GRM7: variants seen among roughly 807,000 people sequenced by gnomAD.
The protein encoded by GRM7 is glutamate metabotropic receptor 7.
In GRM7, 35 loss-of-function variants were observed where a neutral mutation model predicts 84.5. The observed-to-expected ratio is 0.41, with a 90% CI of 0.32 to 0.55. The LOEUF is 0.55. Among genes scored for constraint, GRM7 ranks in the 20% least tolerant of loss-of-function variants. The pLI is 0.19. For missense variants in GRM7, 1,003 were observed against 1,194.6 expected, an observed-to-expected ratio of 0.84 and a Z score of 2.36; for synonymous variants, 487 against 455.1, an observed-to-expected ratio of 1.07 and a Z score of -0.89.
rs567240745 is a variant in GRM7, at chr3:6,897,326, G to A, written c.519+35419G>A. The stretch of plus-strand genomic sequence containing the variant: ...CAAATTCTTGGGCCTTGCCCTAGAC[G>A]GAAAGAGTCAGGGACTCTGGGATTG... On this transcript the variant is annotated intron_variant, in intron 1 of 9. Transcript: ENST00000357716. Among the ~76,000 whole-genome samples the A allele has an allele frequency of 1.9e-3, 289 of 152,280 alleles. 2 individuals carry two copies. The highest frequency in any genetic ancestry group is 6.4e-3 in the African/African-American group (268 of 41,560).
chr3:7,617,001 T>C (rs1243357470), intron 8 of GRM7, among the ~76,000 whole-genome samples: 6 of 151,966 alleles, frequency 3.9e-5, no homozygotes, highest in Non-Finnish European at 8.8e-5. Context: ...GAAAAAACAG[T>C]GTTAGTGACT....
intron 2 of GRM7, among the ~76,000 whole-genome samples, chr3:7,204,751 G>T (rs1223822217): frequency 6.6e-6 from 1 of 152,168 alleles, no homozygotes; most frequent in African/African-American, 2.4e-5. Flanking sequence ...TAACAGAAGT[G>T]GGAAAATACC....
At chr3:7,572,871 T>C (rs1694766886) in intron 7 of GRM7, among the ~76,000 whole-genome samples, 1 of 58,924 alleles carries the variant, frequency 1.7e-5, no homozygotes, top group African/African-American at 5.9e-5. Flanking sequence ...TATATATATA[T>C]ATATATATAA....
In GRM7 at chr3:7,593,743, G is replaced by A. The variant is rs143218473; in HGVS notation, c.2451+14386G>A. Among the ~76,000 whole-genome samples, 1,079 of 152,240 alleles carry A rather than the reference G, an allele frequency of 7.1e-3. 10 individuals are homozygous for A. Among genetic ancestry groups the A allele is most frequent in the African/African-American group, 0.025 (1,026 of 41,548 alleles). On this transcript the variant is annotated intron_variant, in intron 8 of 9. Coordinates refer to ENST00000357716, the MANE Select transcript of GRM7 (RefSeq NM_000844.4). ...GGTAGCCAGTGGCTATTTATGTAGGGCTTTGGAATTCTGAGCAAGAAGGGA... is the reference window on the plus strand; with the variant it reads ...GGTAGCCAGTGGCTATTTATGTAGGACTTTGGAATTCTGAGCAAGAAGGGA...
chr3:6,936,819 C>T (rs574140874), intron 1 of GRM7, among the ~76,000 whole-genome samples: 39 of 152,098 alleles, frequency 2.6e-4, no homozygotes, highest in Non-Finnish European at 4.4e-4. Context: ...TATTATTAGA[C>T]ATATAAAATG....
At chr3:7,081,757 C>T (rs1203841193) in intron 1 of GRM7, among the ~76,000 whole-genome samples, 1 of 152,056 alleles carries the variant, frequency 6.6e-6, no homozygotes, top group Non-Finnish European at 1.5e-5. Flanking sequence ...AGTGAACACA[C>T]AAATGATAAA....
intron 4 of GRM7, among the ~76,000 whole-genome samples, chr3:7,328,375 C>G (rs558317668): frequency 5.3e-5 from 8 of 152,140 alleles, no homozygotes; most frequent in Admixed American, 2.0e-4. Flanking sequence ...CATTTCCAAC[C>G]GATTCTTCAC....
intron 2 of GRM7, among the ~76,000 whole-genome samples, chr3:7,201,948 G>T (rs1430597270): frequency 6.6e-6 from 1 of 152,088 alleles, no homozygotes; most frequent in Non-Finnish European, 1.5e-5. Context: ...GACAGGATGT[G>T]GCCATGACTG....
intron 1 of GRM7, among the ~76,000 whole-genome samples, chr3:7,030,879 G>T (rs1043545476): frequency 1.3e-5 from 2 of 152,104 alleles, no homozygotes; most frequent in Non-Finnish European, 2.9e-5. Context: ...AAATGATTCA[G>T]AATTAAGTTT....
chr3:7,686,408 C>A, intron 9 of GRM7: 1 of 1,561,034 alleles, frequency 6.4e-7, no homozygotes, highest in Non-Finnish European at 8.8e-7. Flanking sequence ...ACTTGGTACA[C>A]TATCCCACCA....
intron 7 of GRM7, among the ~76,000 whole-genome samples, chr3:7,465,040 A>C (rs17047386): frequency 2.0e-5 from 3 of 152,020 alleles, no homozygotes; most frequent in African/African-American, 7.3e-5. Flanking sequence ...TCCAAATAGC[A>C]CTCAGTTTAA....
chr3:7,345,568 G>A (rs1692853739), intron 4 of GRM7, among the ~76,000 whole-genome samples: 1 of 152,156 alleles, frequency 6.6e-6, no homozygotes, highest in Admixed American at 6.6e-5. Flanking sequence ...ACAGGCAAGA[G>A]CCACTGTGCC....
intron 9 of GRM7, among the ~76,000 whole-genome samples, chr3:7,699,515 A>C (rs961018411): frequency 2.6e-5 from 4 of 152,206 alleles, no homozygotes; most frequent in African/African-American, 9.6e-5. Context: ...AAATTTGAAA[A>C]TGTATGGTTC....
chr3:7,133,017 A>G (rs920798942), intron 1 of GRM7, among the ~76,000 whole-genome samples: 2 of 152,068 alleles, frequency 1.3e-5, no homozygotes, highest in Non-Finnish European at 2.9e-5. Context: ...TGTGGATTTA[A>G]TTTCATTCTG....
chr3:6,982,896 G>T (rs2124836146), intron 1 of GRM7, among the ~76,000 whole-genome samples: 1 of 152,220 alleles, frequency 6.6e-6, no homozygotes, highest in East Asian at 1.9e-4. Context: ...GGACATTTGG[G>T]CTGTTCCCAG....
rs116317344 is a variant in GRM7, at chr3:7,019,378, C to T, written c.520-127074C>T. Among the ~76,000 whole-genome samples, 334 of 152,220 alleles carry T rather than the reference C, an allele frequency of 2.2e-3. 2 individuals carry two copies. Among genetic ancestry groups the T allele is most frequent in the African/African-American group, 7.9e-3 (327 of 41,520 alleles). ...ATAGGTTTGGACAAATGCATGATGT[C>T]GTGTCCGCTATTATAGTCTCATACA... On this transcript the variant is annotated intron_variant, in intron 1 of 9. Transcript: ENST00000357716.
intron 3 of GRM7, among the ~76,000 whole-genome samples, chr3:7,299,497 TAAAC>T (rs1047563102): frequency 1.3e-5 from 2 of 152,206 alleles, no homozygotes; most frequent in Non-Finnish European, 2.9e-5. Context: ...AAACAGTAAA[TAAAC>T]CTGATTACAA....
chr3:7,337,734 TAATTAAAAAATA>T (rs1308901411), intron 4 of GRM7, among the ~76,000 whole-genome samples: 1 of 151,850 alleles, frequency 6.6e-6, no homozygotes, highest in Non-Finnish European at 1.5e-5. Flanking sequence ...AAAATGACCA[TAATTAAAAAATA>T]AATTAAAAAA....
chr3:7,608,882 G>T (rs945226977), intron 8 of GRM7, among the ~76,000 whole-genome samples: 5 of 152,194 alleles, frequency 3.3e-5, no homozygotes, highest in Middle Eastern at 3.4e-3. Flanking sequence ...ATCTTGAGTT[G>T]ATTTTTCTGT....
Sources: gnomAD v4.1 joint callset for allele counts (sites outside exome capture counted in the v4.1 genomes callset) on GRCh38, gnomAD v4.1.1 for gene constraint, MANE v1.5 for transcripts, NCBI Gene and HGNC (gene_info 2026-07-23, HGNC 2026-07-21) for gene names.